IGSF21: variants seen among roughly 807,000 people sequenced by gnomAD.
The protein encoded by IGSF21 is immunoglobulin superfamily member 21.
In IGSF21, 28 loss-of-function variants were observed where a neutral mutation model predicts 46.8. The observed-to-expected ratio is 0.60, with a 90% CI of 0.44 to 0.82. The LOEUF (loss-of-function observed/expected upper bound fraction) is 0.82. IGSF21 is among the 40% of genes least tolerant of loss of function. IGSF21 has a pLI of 0.00. For synonymous variants in IGSF21, 284 were observed against 273.6 expected (o/e 1.04, Z -0.38); for missense variants, 624 against 665.5 (o/e 0.94, Z 0.69).
chr1:18,183,817 CTCT>C (rs1019283154), intron 1 of IGSF21, among the ~76,000 whole-genome samples: 5 of 152,116 alleles, frequency 3.3e-5, no homozygotes, highest in African/African-American at 1.2e-4. Context: ...CGGGGGGAAG[CTCT>C]TCTTGTGAAG....
intron 1 of IGSF21, among the ~76,000 whole-genome samples, chr1:18,210,890 C>T (rs928433819): frequency 7.9e-5 from 12 of 152,174 alleles, no homozygotes; most frequent in African/African-American, 2.9e-4. Context: ...TTTTTGGAGA[C>T]AGAGTCTCAC....
intron 6 of IGSF21, among the ~76,000 whole-genome samples, chr1:18,369,040 G>C (rs901983214): frequency 3.9e-5 from 6 of 152,162 alleles, no homozygotes; most frequent in Non-Finnish European, 8.8e-5. Context: ...CTCATCATCA[G>C]AGCAAGAGAA....
chr1:18,197,475 T>C (rs1194495936), intron 1 of IGSF21, among the ~76,000 whole-genome samples: 3 of 152,230 alleles, frequency 2.0e-5, no homozygotes, highest in African/African-American at 7.2e-5. Flanking sequence ...ATCCCACAAA[T>C]GCTGTTTTCA....
intron 9 of IGSF21, 115 bp from the exon 10 acceptor site, chr1:18,378,141 C>T: frequency 2.5e-6 from 2 of 814,180 alleles, no homozygotes; most frequent in Non-Finnish European, 4.0e-6. Context: ...GGGCTTCGAA[C>T]CCAGTTTGTC....
In IGSF21 at chr1:18,109,695, C is replaced by G. The variant is rs970777949; in HGVS notation, c.70+1497C>G. On this transcript the variant is annotated intron_variant, in intron 1 of 9. Coordinates refer to ENST00000251296, the MANE Select transcript of IGSF21 (RefSeq NM_032880.5). This position sits in a 1 kb window ranked among gnomAD's most constrained non-coding sequence, Gnocchi z 4.8. ...GTACTTTGTTCCCCTACCCTTGGAACAAGAGACTTTCCTAAGTGGATCAAA... is the reference window on the plus strand; with the variant it reads ...GTACTTTGTTCCCCTACCCTTGGAAGAAGAGACTTTCCTAAGTGGATCAAA... 1 of 152,112 alleles carries G rather than the reference C, an allele frequency of 6.6e-6. No homozygotes were observed. Among genetic ancestry groups the G allele is most frequent in the African/African-American group, 2.4e-5 (1 of 41,410 alleles). 9.4% of individuals were successfully genotyped at this position (152,112 alleles called of 1,614,324 possible).
At chr1:18,154,590 C>T (rs569347999) in intron 1 of IGSF21, among the ~76,000 whole-genome samples, 1 of 143,284 alleles carries the variant, frequency 7.0e-6, no homozygotes, top group East Asian at 2.3e-4. Flanking sequence ...CAAGGAGGCC[C>T]AGGGCAGGGC....
chr1:18,230,958 G>T (rs370456582), intron 2 of IGSF21, among the ~76,000 whole-genome samples: 2 of 151,462 alleles, frequency 1.3e-5, no homozygotes, highest in Non-Finnish European at 2.9e-5. Context: ...GGGAGCTGCC[G>T]AGTGCTGTTT....
intron 3 of IGSF21, among the ~76,000 whole-genome samples, chr1:18,300,109 C>A (rs1055254719): frequency 6.6e-6 from 1 of 152,072 alleles, no homozygotes; most frequent in African/African-American, 2.4e-5. Context: ...AACAAGCCAC[C>A]CACTGGTGGT....
intron 4 of IGSF21, among the ~76,000 whole-genome samples, chr1:18,357,548 T>C (rs768603163): frequency 2.0e-5 from 3 of 151,440 alleles, no homozygotes; most frequent in Non-Finnish European, 4.4e-5. Context: ...AATAGGAATA[T>C]AAAAAGGGAA....
At chr1:18,135,724 G>T (rs1319271785) in intron 1 of IGSF21, among the ~76,000 whole-genome samples, 2 of 152,078 alleles carry the variant, frequency 1.3e-5, no homozygotes, top group African/African-American at 4.8e-5. Context: ...ATAAATATAC[G>T]TGTGCATATG....
chr1:18,254,112 GT>G (rs766474027), intron 2 of IGSF21, among the ~76,000 whole-genome samples: 8 of 152,184 alleles, frequency 5.3e-5, no homozygotes, highest in African/African-American at 7.2e-5. Flanking sequence ...AGAAGCTGAG[GT>G]TTAGGTGCTT....
intron 2 of IGSF21, among the ~76,000 whole-genome samples, chr1:18,279,972 G>A (rs1011934984): frequency 2.6e-5 from 4 of 152,230 alleles, no homozygotes; most frequent in Non-Finnish European, 4.4e-5. Flanking sequence ...GGCCCTCTCC[G>A]AGGACTGGCA....
At chr1:18,212,067 G>A (rs1425759807) in intron 1 of IGSF21, among the ~76,000 whole-genome samples, 1 of 152,252 alleles carries the variant, frequency 6.6e-6, no homozygotes, top group Non-Finnish European at 1.5e-5. Flanking sequence ...GGGTGGAGGG[G>A]CGCAGAGAAG....
intron 3 of IGSF21, among the ~76,000 whole-genome samples, chr1:18,321,049 C>T (rs1391904169): frequency 6.6e-6 from 1 of 152,190 alleles, no homozygotes; most frequent in Non-Finnish European, 1.5e-5. Flanking sequence ...GGGTCAAGCA[C>T]CATCTCTTTG....
chr1:18,321,385 A>G (rs902314186), intron 3 of IGSF21, among the ~76,000 whole-genome samples: 2 of 152,220 alleles, frequency 1.3e-5, no homozygotes, highest in African/African-American at 2.4e-5. Flanking sequence ...GTGACCTTGC[A>G]GAAGCCTCGG....
chr1:18,303,659 G>A (rs796891501), intron 3 of IGSF21, among the ~76,000 whole-genome samples: 23 of 152,286 alleles, frequency 1.5e-4, no homozygotes, highest in African/African-American at 4.8e-4. Context: ...TTATTCATTC[G>A]TCCTTTTAGA....
intron 3 of IGSF21, among the ~76,000 whole-genome samples, chr1:18,312,094 C>T (rs2085494285): frequency 6.6e-6 from 1 of 152,174 alleles, no homozygotes; most frequent in African/African-American, 2.4e-5. Flanking sequence ...TAGGGGTGGG[C>T]ACGGCATCCT....
At chr1:18,185,212 G>A (rs536982915) in intron 1 of IGSF21, among the ~76,000 whole-genome samples, 26 of 152,284 alleles carry the variant, frequency 1.7e-4, no homozygotes, top group Middle Eastern at 3.4e-3. Context: ...AGGGATCCCC[G>A]CATAGTGGGA....
At chr1:18,297,111 C>T (rs911398794) in intron 3 of IGSF21, among the ~76,000 whole-genome samples, 3 of 152,220 alleles carry the variant, frequency 2.0e-5, no homozygotes, top group East Asian at 1.9e-4. Flanking sequence ...AGAGTCTGCC[C>T]GCCCCCCCAC....
Sources: allele counts gnomAD v4.1 joint callset (sites outside exome capture counted in the v4.1 genomes callset), GRCh38; gene constraint gnomAD v4.1.1; non-coding constraint Gnocchi (gnomAD v3.1); transcripts MANE v1.5; gene names NCBI Gene and HGNC (gene_info 2026-07-23, HGNC 2026-07-21).